LDLRAD3: variants seen among roughly 807,000 people sequenced by gnomAD.
The protein encoded by LDLRAD3 is low-density lipoprotein receptor class A domain-containing protein 3.
A neutral mutation model predicts 29.4 loss-of-function variants in LDLRAD3; 20 were observed. That is an observed-to-expected ratio of 0.68 (90% CI 0.48 to 0.99). LDLRAD3 has a LOEUF of 0.99. Ranked by LOEUF, LDLRAD3 falls within the 50% of genes least tolerant of loss-of-function variation. The probability of loss-of-function intolerance (pLI) is 0.00; values close to 1 mark genes in which losing one functional copy is unlikely to be tolerated. For synonymous variants in LDLRAD3, 157 were observed against 192.7 expected (o/e 0.81, Z 1.53); for missense variants, 420 against 454.3 (o/e 0.92, Z 0.69).
chr11:35,965,291 G>C (rs1334837616), intron 1 of LDLRAD3, among the ~76,000 whole-genome samples: 1 of 152,208 alleles, frequency 6.6e-6, no homozygotes, highest in Non-Finnish European at 1.5e-5. Context: ...GGATGGTCCT[G>C]TAAGTGGAAT....
chr11:35,986,784 A>T (rs997244136), intron 1 of LDLRAD3, among the ~76,000 whole-genome samples: 3 of 152,168 alleles, frequency 2.0e-5, no homozygotes, highest in Non-Finnish European at 4.4e-5. Flanking sequence ...AACCTGGGAA[A>T]TGGGAGGACT....
intron 4 of LDLRAD3, among the ~76,000 whole-genome samples, chr11:36,171,985 G>C (rs1854604792): frequency 6.6e-6 from 1 of 152,136 alleles, no homozygotes; most frequent in African/African-American, 2.4e-5. Flanking sequence ...TGTAATCTGT[G>C]ATTTCTTTCA....
intron 1 of LDLRAD3, among the ~76,000 whole-genome samples, chr11:35,958,523 C>T (rs1296727055): frequency 1.3e-5 from 2 of 152,148 alleles, no homozygotes; most frequent in Non-Finnish European, 2.9e-5. Context: ...TGTCAGTCAC[C>T]TCGAAGAATT....
At chr11:36,080,263 C>T (rs1414081988) in intron 2 of LDLRAD3, among the ~76,000 whole-genome samples, 8 of 152,194 alleles carry the variant, frequency 5.3e-5, no homozygotes, top group African/African-American at 1.7e-4. Flanking sequence ...ATCTCCTAAT[C>T]GCAAGCCGGA....
intron 3 of LDLRAD3, among the ~76,000 whole-genome samples, chr11:36,084,929 A>G (rs1475258248): frequency 6.6e-6 from 1 of 152,140 alleles, no homozygotes; most frequent in Non-Finnish European, 1.5e-5. Context: ...TACGTTAGCC[A>G]CCCCACAAGA....
At chr11:36,159,746 C>T (rs1590319421) in intron 4 of LDLRAD3, among the ~76,000 whole-genome samples, 1 of 151,984 alleles carries the variant, frequency 6.6e-6, no homozygotes, top group Middle Eastern at 3.4e-3. Flanking sequence ...GCACTCCAGC[C>T]TGGCAACAGA....
At chr11:35,999,478 C>T (rs1851795786) in intron 1 of LDLRAD3, among the ~76,000 whole-genome samples, 1 of 152,178 alleles carries the variant, frequency 6.6e-6, no homozygotes, top group African/African-American at 2.4e-5. Flanking sequence ...GAGCCTGCCC[C>T]TCCTCATCTC....
chr11:36,088,008 T>C (rs1254205615), intron 3 of LDLRAD3, among the ~76,000 whole-genome samples: 1 of 151,780 alleles, frequency 6.6e-6, no homozygotes, highest in East Asian at 1.9e-4. Flanking sequence ...CATGAGCCAC[T>C]GCACCCAGCC....
intron 4 of LDLRAD3, among the ~76,000 whole-genome samples, chr11:36,154,776 A>G (rs1362185384): frequency 6.6e-6 from 1 of 152,162 alleles, no homozygotes; most frequent in African/African-American, 2.4e-5. Flanking sequence ...AGGGACATCC[A>G]TGTGCATCCT....
At chr11:35,952,923 A>G (rs1590678238) in intron 1 of LDLRAD3, among the ~76,000 whole-genome samples, 1 of 152,222 alleles carries the variant, frequency 6.6e-6, no homozygotes, top group African/African-American at 2.4e-5. Flanking sequence ...ATGTTGCTCC[A>G]GAAAGAAACT....
intron 4 of LDLRAD3, among the ~76,000 whole-genome samples, chr11:36,115,144 A>G (rs1853657113): frequency 2.6e-5 from 4 of 152,196 alleles, no homozygotes; most frequent in East Asian, 1.9e-4. Context: ...GGAGAGGCCA[A>G]TGAGAGGAGA....
At chr11:36,141,620 G>A (rs1854087925) in intron 4 of LDLRAD3, among the ~76,000 whole-genome samples, 1 of 152,174 alleles carries the variant, frequency 6.6e-6, no homozygotes, top group African/African-American at 2.4e-5. Flanking sequence ...TGGGAGTAGG[G>A]AATCAGTCAG....
chr11:36,141,156 A>G lies in LDLRAD3; in HGVS notation c.454+42695A>G, dbSNP rs1381487906. Reference sequence around the variant, plus strand: ...GTCATGGGGATTCGATGGCAGTAATATATGTGAAAATGCTCTGTCAACTAG... The same window carrying G: ...GTCATGGGGATTCGATGGCAGTAATGTATGTGAAAATGCTCTGTCAACTAG... On this transcript the variant is annotated intron_variant, in intron 4 of 5. Transcript: ENST00000315571. Among the ~76,000 whole-genome samples the G allele has an allele frequency of 3.3e-5, 5 of 152,142 alleles. No homozygotes were observed. In the South Asian group the frequency reaches 8.3e-4, roughly 25 times the overall value.
chr11:36,218,356 A>G (rs1471724825), intron 4 of LDLRAD3, among the ~76,000 whole-genome samples: 1 of 152,210 alleles, frequency 6.6e-6, no homozygotes, highest in East Asian at 1.9e-4. Context: ...ACGACAGGCC[A>G]AACAGGGTGA....
At chr11:36,066,623 T>C (rs1364942622) in intron 2 of LDLRAD3, among the ~76,000 whole-genome samples, 2 of 152,232 alleles carry the variant, frequency 1.3e-5, no homozygotes, top group Admixed American at 1.3e-4. Flanking sequence ...AATCCCAAAC[T>C]TGCTTGGTGG....
At chr11:36,040,838 A>G (rs1256660267) in intron 2 of LDLRAD3, among the ~76,000 whole-genome samples, 1 of 152,230 alleles carries the variant, frequency 6.6e-6, no homozygotes, top group Non-Finnish European at 1.5e-5. Flanking sequence ...AGCCCTGGGT[A>G]ACATCTTTAA....
chr11:36,165,835 G>T (rs530078456), intron 4 of LDLRAD3, among the ~76,000 whole-genome samples: 1 of 145,442 alleles, frequency 6.9e-6, no homozygotes, highest in East Asian at 2.1e-4. Context: ...TTAACAAGAT[G>T]ATCACCCAGG....
At chr11:36,207,502 T>C (rs1209395635) in intron 4 of LDLRAD3, among the ~76,000 whole-genome samples, 1 of 152,072 alleles carries the variant, frequency 6.6e-6, no homozygotes, top group Non-Finnish European at 1.5e-5. Context: ...ATTTTTAAAA[T>C]TAGCCGGCAT....
chr11:36,081,126 AAGG>A (rs1302609011), intron 2 of LDLRAD3, among the ~76,000 whole-genome samples: 1 of 152,296 alleles, frequency 6.6e-6, no homozygotes, highest in Admixed American at 6.5e-5. Context: ...CCAACCTTGC[AAGG>A]AGGTCTTTGT....
Sources: allele counts gnomAD v4.1 joint callset (sites outside exome capture counted in the v4.1 genomes callset), GRCh38; gene constraint gnomAD v4.1.1; transcripts MANE v1.5; gene names NCBI Gene and HGNC (gene_info 2026-07-23, HGNC 2026-07-21).